Variants in NDST4 observed in about 807,000 individuals in gnomAD.
The protein encoded by NDST4 is N-deacetylase and N-sulfotransferase 4, also known as N-heparan sulfate sulfotransferase 4.
In NDST4, 63 loss-of-function variants were observed where a neutral mutation model predicts 100.8. The ratio of observed to expected loss-of-function variants is 0.62; its 90% CI spans 0.51 to 0.77. NDST4 has a LOEUF of 0.77. NDST4 is among the 30% of genes least tolerant of loss of function. NDST4 has a pLI of 0.00. For synonymous variants in NDST4, 377 were observed against 361.8 expected, an observed-to-expected ratio of 1.04 and a Z score of -0.48; for missense variants, 943 against 1,018.4, an observed-to-expected ratio of 0.93 and a Z score of 1.01.
intron 1 of NDST4, among the ~76,000 whole-genome samples, chr4:115,092,053 A>G (rs1445827525): frequency 2.0e-5 from 3 of 152,176 alleles, no homozygotes. Flanking sequence ...TACTGAAGTT[A>G]TGGTTAAGGG....
intron 6 of NDST4, among the ~76,000 whole-genome samples, chr4:114,885,393 G>C (rs1397941453): frequency 6.6e-6 from 1 of 152,060 alleles, no homozygotes; most frequent in African/African-American, 2.4e-5. Context: ...ATTTGGACAT[G>C]GTAACTCAAC....
At chr4:114,965,075 A>C (rs1272258911) in intron 4 of NDST4, among the ~76,000 whole-genome samples, 1 of 151,958 alleles carries the variant, frequency 6.6e-6, no homozygotes, top group African/African-American at 2.4e-5. Flanking sequence ...TTCATTGTGA[A>C]TTTTTGTTGC....
rs116086762 is a variant in NDST4, at chr4:114,929,037, T to C, written c.1536+6169A>G. Among the ~76,000 whole-genome samples the C allele has an allele frequency of 5.6e-3, 730 of 131,368 alleles. 8 individuals carry two copies. The highest frequency in any genetic ancestry group is 0.018 in the Middle Eastern group (4 of 224). The allele number at this position is 131,368 out of a possible 152,430, so 86.2% of individuals were successfully genotyped here. On this transcript the variant is annotated intron_variant, in intron 6 of 13. Transcript: ENST00000264363. ...ATCCCTATCTATCTGTCTGTCTGTC[T>C]GTCTGTCCGTCCGTCCGTCCGTCCG...
chr4:114,929,848 G>A (rs1725475966), intron 6 of NDST4, among the ~76,000 whole-genome samples: 1 of 152,136 alleles, frequency 6.6e-6, no homozygotes. Flanking sequence ...CATAATCCAT[G>A]TCTTTATTGA....
At chr4:115,019,144 G>C (rs917478749) in intron 2 of NDST4, among the ~76,000 whole-genome samples, 1 of 151,666 alleles carries the variant, frequency 6.6e-6, no homozygotes, top group Admixed American at 6.6e-5. Flanking sequence ...ATAATACTTG[G>C]CTTTTACTTA....
intron 1 of NDST4, among the ~76,000 whole-genome samples, chr4:115,081,082 A>G (rs1312800346): frequency 6.9e-6 from 1 of 145,716 alleles, no homozygotes; most frequent in African/African-American, 2.7e-5. Context: ...CTCCTAATGC[A>G]ATAGTGAAAA....
At chr4:115,064,248 G>A in intron 2 of NDST4, among the ~76,000 whole-genome samples, 1 of 151,904 alleles carries the variant, frequency 6.6e-6, no homozygotes, top group East Asian at 1.9e-4. Flanking sequence ...TAAACCACTT[G>A]TTTCTAACAA....
At chr4:114,849,716 G>A (rs558060996) in intron 8 of NDST4, among the ~76,000 whole-genome samples, 40 of 152,316 alleles carry the variant, frequency 2.6e-4, no homozygotes, top group Non-Finnish European at 4.9e-4. Flanking sequence ...CTAGGGATAT[G>A]TAATTACTAA....
intron 6 of NDST4, among the ~76,000 whole-genome samples, chr4:114,896,042 G>A (rs1000144618): frequency 1.3e-5 from 2 of 152,036 alleles, no homozygotes; most frequent in Non-Finnish European, 2.9e-5. Context: ...TAAAGAATGT[G>A]ATTCTAATAC....
chr4:114,991,888 AT>A (rs1194443091), intron 2 of NDST4, among the ~76,000 whole-genome samples: 2 of 151,982 alleles, frequency 1.3e-5, no homozygotes, highest in Non-Finnish European at 2.9e-5. Flanking sequence ...CTAATAAAAT[AT>A]TTTTATTTGT....
intron 6 of NDST4, among the ~76,000 whole-genome samples, chr4:114,897,022 C>T (rs1286328983): frequency 6.6e-6 from 1 of 152,096 alleles, no homozygotes; most frequent in Non-Finnish European, 1.5e-5. Flanking sequence ...ATCCCATTAT[C>T]AATATCCCCT....
At chr4:114,880,104 G>C (rs914027353) in intron 6 of NDST4, among the ~76,000 whole-genome samples, 1 of 152,164 alleles carries the variant, frequency 6.6e-6, no homozygotes, top group Non-Finnish European at 1.5e-5. Flanking sequence ...TGTTCTAACT[G>C]AGAACAGAAG....
chr4:114,873,056 GA>G (rs150415567), intron 6 of NDST4, among the ~76,000 whole-genome samples: 13,020 of 151,436 alleles, frequency 0.086, 1,631 homozygotes, highest in African/African-American at 0.27. Flanking sequence ...AATGAAAAAA[GA>G]AAAAAATATT....
At chr4:114,880,318 C>T (rs1724340627) in intron 6 of NDST4, among the ~76,000 whole-genome samples, 1 of 152,080 alleles carries the variant, frequency 6.6e-6, no homozygotes, top group Non-Finnish European at 1.5e-5. Context: ...TGATTTTCAA[C>T]AAAGATCTCC....
chr4:114,945,166 C>T (rs779744497), intron 4 of NDST4, among the ~76,000 whole-genome samples: 2 of 129,992 alleles, frequency 1.5e-5, no homozygotes, highest in Admixed American at 9.4e-5. Context: ...CGAGATCATG[C>T]CATTGCTCTC....
chr4:114,971,553 C>A (rs1227611452), intron 3 of NDST4, among the ~76,000 whole-genome samples: 1 of 152,054 alleles, frequency 6.6e-6, no homozygotes, highest in African/African-American at 2.4e-5. Context: ...AGAATTAATT[C>A]CTGCTTGCTC....
chr4:115,021,278 G>GTATTCCACATATACATATTCCATATATA (rs1382616604), intron 2 of NDST4, among the ~76,000 whole-genome samples: 1 of 134,064 alleles, frequency 7.5e-6, no homozygotes, highest in Non-Finnish European at 1.6e-5. Context: ...TTCCACATGT[G>GTATTCCACATATACATATTCCATATATA]TATTCCACAT....
At chr4:115,054,718 CTA>C (rs1728656836) in intron 2 of NDST4, among the ~76,000 whole-genome samples, 1 of 152,146 alleles carries the variant, frequency 6.6e-6, no homozygotes, top group African/African-American at 2.4e-5. Context: ...CAGTGATGCA[CTA>C]TGAGTTTATT....
intron 2 of NDST4, among the ~76,000 whole-genome samples, chr4:115,075,653 C>T (rs556835341): frequency 4.6e-5 from 7 of 152,058 alleles, no homozygotes; most frequent in African/African-American, 1.7e-4. Context: ...GACGTGGTGG[C>T]AGGCACCTGT....
Sources: allele counts gnomAD v4.1 joint callset (sites outside exome capture counted in the v4.1 genomes callset), GRCh38; gene constraint gnomAD v4.1.1; transcripts MANE v1.5; gene names NCBI Gene and HGNC (gene_info 2026-07-23, HGNC 2026-07-21).